The following FAM178B variants were observed in gnomAD, a reference collection of about 807,000 sequenced individuals.
FAM178B encodes the protein family with sequence similarity 178 member B, also known as protein FAM178B.
Under a neutral mutation model 91.7 loss-of-function variants are expected in FAM178B, and 82 were observed. The observed-to-expected ratio is 0.89, with a 90% CI of 0.75 to 1.07. The LOEUF (loss-of-function observed/expected upper bound fraction) is 1.07. FAM178B is among the 50% of genes least tolerant of loss of function. The probability of loss-of-function intolerance (pLI) is 0.00; values close to 1 mark genes in which losing one functional copy is unlikely to be tolerated. For missense variants in FAM178B, 769 were observed against 846.7 expected, an observed-to-expected ratio of 0.91 and a Z score of 1.14; for synonymous variants, 368 against 359.4, an observed-to-expected ratio of 1.02 and a Z score of -0.27.
intron 8 of FAM178B, among the ~76,000 whole-genome samples, chr2:96,940,231 G>T (rs1442595887): frequency 6.6e-6 from 1 of 152,214 alleles, no homozygotes; most frequent in Non-Finnish European, 1.5e-5. Flanking sequence ...AGGGCACCCG[G>T]CATGAGAACG....
At chr2:96,914,134 C>T (rs145358122) in intron 12 of FAM178B, among the ~76,000 whole-genome samples, 65 of 152,352 alleles carry the variant, frequency 4.3e-4, no homozygotes, top group Middle Eastern at 3.4e-3. Context: ...GGGGCCCTCC[C>T]GCCCAGGGAG....
intron 1 of FAM178B, 90 bp downstream of exon 1, chr2:96,986,151 G>C: frequency 1.3e-6 from 2 of 1,524,714 alleles, no homozygotes. Flanking sequence ...GACCTGCAAG[G>C]CCTGGACCAG....
At chr2:96,914,115 G>A (rs990523791) in intron 12 of FAM178B, among the ~76,000 whole-genome samples, 1 of 152,256 alleles carries the variant, frequency 6.6e-6, no homozygotes, top group Non-Finnish European at 1.5e-5. Context: ...AGACATGGGG[G>A]AGATGGACGG....
intron 12 of FAM178B, among the ~76,000 whole-genome samples, chr2:96,911,057 C>A (rs1309277800): frequency 6.6e-6 from 1 of 152,066 alleles, no homozygotes; most frequent in Non-Finnish European, 1.5e-5. Flanking sequence ...TGTGAGCCAC[C>A]GTGCCTGGCC....
intron 10 of FAM178B, among the ~76,000 whole-genome samples, 200 bp downstream of exon 10, chr2:96,923,290 A>G (rs376242988): frequency 9.2e-5 from 14 of 152,338 alleles, no homozygotes; most frequent in African/African-American, 3.4e-4. Flanking sequence ...TTTCTTGTAC[A>G]AGAACTCTCT....
chr2:96,915,644 C>T (rs1205184982), intron 12 of FAM178B, among the ~76,000 whole-genome samples: 1 of 151,602 alleles, frequency 6.6e-6, no homozygotes, highest in South Asian at 2.1e-4. Context: ...GGAGAAACCT[C>T]GTCTCTACTA....
At chr2:96,957,623 A>G (rs1178613774) in intron 6 of FAM178B, among the ~76,000 whole-genome samples, 1 of 152,186 alleles carries the variant, frequency 6.6e-6, no homozygotes, top group Admixed American at 6.5e-5. Flanking sequence ...CCACTCTAGG[A>G]CAGAAAACCT....
chr2:96,946,764 C>T (rs537648924), intron 8 of FAM178B, among the ~76,000 whole-genome samples: 8 of 152,374 alleles, frequency 5.3e-5, no homozygotes, highest in Admixed American at 3.3e-4. Context: ...GCCGCAGAGG[C>T]GGCCCCTGGG....
rs76679299 is a variant in FAM178B at position 96,878,332 on chromosome 2, C to A, written c.1854+84G>T. On this transcript the variant is annotated intron_variant, in intron 15 of 16. Coordinates refer to ENST00000490605, the MANE Select transcript of FAM178B (RefSeq NM_001122646.3). ...CTGCAGTTCCTAACAGTGGGCTGGG[C>A]GCCATCCCAGCCAACCCCCGCCGCT... 8 of 1,302,916 alleles carry A rather than the reference C, an allele frequency of 6.1e-6. No homozygotes were observed. In the East Asian group the frequency reaches 1.9e-4, roughly 32 times the overall value. 80.7% of individuals were successfully genotyped at this position (1,302,916 alleles called of 1,614,324 possible).
At chr2:96,968,575 A>G (rs779774345) in intron 4 of FAM178B, among the ~76,000 whole-genome samples, 2 of 151,872 alleles carry the variant, frequency 1.3e-5, no homozygotes, top group African/African-American at 2.4e-5. Context: ...CCAGCCACTC[A>G]CTGAGTGATT....
intron 14 of FAM178B, among the ~76,000 whole-genome samples, chr2:96,888,707 G>A (rs139682562): frequency 7.9e-5 from 12 of 152,298 alleles, no homozygotes; most frequent in African/African-American, 2.2e-4. Context: ...CAACACACGC[G>A]GCACACCACA....
In FAM178B at chr2:96,986,508, G is replaced by C; in HGVS notation, c.-195C>G. The C allele has an allele frequency of 1.5e-6, 1 of 666,492 alleles. No individual in the cohort carries two copies. Among genetic ancestry groups the C allele is most frequent in the Non-Finnish European group, 2.4e-6 (1 of 412,188 alleles). 41.3% of individuals were successfully genotyped at this position (666,492 alleles called of 1,614,324 possible). A position where few individuals can be genotyped will look rare whatever the true frequency, so the allele number is the denominator to read the frequency against. ...CTAAAGATCCAGTTCTGGGGATTGA[G>C]TTCCGACTCCAAACCAAGCGGCCAG... On this transcript the variant is annotated 5_prime_UTR_variant, in exon 1 of 17. Transcript: ENST00000490605.
At chr2:96,946,310 A>T (rs2081827347) in intron 8 of FAM178B, among the ~76,000 whole-genome samples, 1 of 152,140 alleles carries the variant, frequency 6.6e-6, no homozygotes, top group Non-Finnish European at 1.5e-5. Flanking sequence ...TTATCCATTC[A>T]CGGGTGGACA....
intron 12 of FAM178B, among the ~76,000 whole-genome samples, chr2:96,907,667 C>T (rs552867569): frequency 1.3e-5 from 2 of 152,370 alleles, no homozygotes; most frequent in African/African-American, 4.8e-5. Flanking sequence ...TCACAAATGA[C>T]TTTTCCAAAC....
chr2:96,916,479 C>T (rs2081242753), intron 12 of FAM178B, among the ~76,000 whole-genome samples: 1 of 152,224 alleles, frequency 6.6e-6, no homozygotes, highest in South Asian at 2.1e-4. Context: ...TGAATAGCCG[C>T]AGGCAGTGAA....
chr2:96,949,803 C>G (rs993249805), intron 7 of FAM178B, among the ~76,000 whole-genome samples: 1 of 152,300 alleles, frequency 6.6e-6, no homozygotes, highest in Non-Finnish European at 1.5e-5. Context: ...CAGAGGACAC[C>G]CAGGCCCAGA....
At chr2:96,878,071 G>A (rs199755548) in intron 15 of FAM178B, 29 bp from the exon 16 acceptor site, 232 of 1,602,194 alleles carry the variant, frequency 1.4e-4, no homozygotes, top group African/African-American at 2.5e-4. Flanking sequence ...GCCAAGAAGC[G>A]GGTGTAGCAC....
chr2:96,905,850 A>ACG lies in FAM178B; in HGVS notation c.1563-3144_1563-3143insCG, dbSNP rs2081036915. Among the ~76,000 whole-genome samples the ACG allele has an allele frequency of 7.8e-5, 2 of 25,614 alleles. 1 individual carries two copies. Among genetic ancestry groups the ACG allele is most frequent in the African/African-American group, 4.1e-4 (2 of 4,888 alleles). 16.8% of individuals were successfully genotyped at this position (25,614 alleles called of 152,430 possible). ...TATATATATATATATATATATATAT[A>ACG]TATATATATATTTTTTTTTTTTTTT... On this transcript the variant is annotated intron_variant, in intron 12 of 16. Transcript: ENST00000490605.
intron 1 of FAM178B, among the ~76,000 whole-genome samples, chr2:96,985,579 C>T (rs1346381903): frequency 2.0e-5 from 3 of 152,190 alleles, no homozygotes; most frequent in Non-Finnish European, 2.9e-5. Context: ...TAGCATGAGG[C>T]CAAATAATTA....
Sources: gnomAD v4.1 joint callset for allele counts (sites outside exome capture counted in the v4.1 genomes callset) on GRCh38, gnomAD v4.1.1 for gene constraint, MANE v1.5 for transcripts, NCBI Gene and HGNC (gene_info 2026-07-23, HGNC 2026-07-21) for gene names.